Variants in ZBTB25 observed in about 807,000 individuals in gnomAD.
ZBTB25 encodes the protein zinc finger and BTB domain-containing protein 25.
Under a neutral mutation model 34.2 loss-of-function variants are expected in ZBTB25, and 20 were observed. The observed-to-expected ratio is 0.58, with a 90% confidence interval of 0.41 to 0.85. The LOEUF is 0.85. Among genes scored for constraint, ZBTB25 ranks in the 40% least tolerant of loss-of-function variants. ZBTB25 has a pLI of 0.00. For missense variants in ZBTB25, 437 were observed against 521.8 expected (o/e 0.84, Z 1.58); for synonymous variants, 175 against 186.4 (o/e 0.94, Z 0.50).
At chr14:64,453,096 A>T (rs865989207) in intron 2 of ZBTB25, among the ~76,000 whole-genome samples, 10 of 151,998 alleles carry the variant, frequency 6.6e-5, no homozygotes, top group African/African-American at 2.4e-4. Flanking sequence ...TGATGTACTT[A>T]GCGAGAGATT....
chr14:64,500,475 A>AAG (rs1555345815), intron 1 of ZBTB25, among the ~76,000 whole-genome samples: 7,690 of 70,026 alleles, frequency 0.11, 900 homozygotes, highest in East Asian at 0.28. Context: ...AAAAAAAAAA[A>AAG]AGAGAGAGAG....
intron 1 of ZBTB25, among the ~76,000 whole-genome samples, chr14:64,492,117 CAA>C (rs58321068): frequency 0.43 from 31,086 of 72,680 alleles, 4,947 homozygotes; most frequent in East Asian, 0.62. Context: ...GACCCTATCT[CAA>C]AAAAAAAAAA....
At chr14:64,461,183 CTGA>C (rs1051847796) in intron 2 of ZBTB25, 44 of 152,112 alleles carry the variant, frequency 2.9e-4, no homozygotes, top group African/African-American at 1.0e-3. Flanking sequence ...CTAAACACTG[CTGA>C]TGTTGGCAAA....
chr14:64,454,624 C>G (rs1026156993), intron 2 of ZBTB25: 2 of 973,574 alleles, frequency 2.1e-6, no homozygotes, highest in Non-Finnish European at 3.2e-6. Context: ...TTGGATGTTT[C>G]GAATAAATTG....
chr14:64,455,015 G>A, intron 2 of ZBTB25: 2 of 855,786 alleles, frequency 2.3e-6, no homozygotes, highest in Middle Eastern at 2.2e-4. Context: ...TATGATTGCT[G>A]TGGATCATAA....
At chr14:64,456,627 T>A (rs1596570491) in intron 2 of ZBTB25, among the ~76,000 whole-genome samples, 1 of 152,196 alleles carries the variant, frequency 6.6e-6, no homozygotes, top group African/African-American at 2.4e-5. Context: ...TTTATCTTTA[T>A]AATGTCATCT....
At chr14:64,500,656 G>A (rs1374358110) in intron 1 of ZBTB25, among the ~76,000 whole-genome samples, 6 of 152,098 alleles carry the variant, frequency 3.9e-5, no homozygotes, top group Non-Finnish European at 5.9e-5. Flanking sequence ...TTAGTTGGGC[G>A]TGGTGGCAGA....
chr14:64,498,502 G>A (rs1036637160), intron 1 of ZBTB25, among the ~76,000 whole-genome samples: 1 of 152,188 alleles, frequency 6.6e-6, no homozygotes, highest in African/African-American at 2.4e-5. Context: ...GTAGAGATGG[G>A]GTTTCGCCAC....
At chr14:64,467,104 T>A (rs1030794818) in intron 2 of ZBTB25, 5 of 152,344 alleles carry the variant, frequency 3.3e-5, no homozygotes, top group African/African-American at 4.8e-5. Context: ...ATCAATTTTT[T>A]AATTTTTTTA....
In ZBTB25 at chr14:64,487,885, G is replaced by C. The variant is rs374473512; in HGVS notation, c.346C>G (p.Gln116Glu). ...YLSHIATEMN[Q>E]VFSPETVQSS... ...TGCACAGTCTCTGGTGAGAACACTT[G>C]ATTCATTTCAGTTGCAATGTGAGAA... The change falls in exon 3 of 3, where the codon CAA becomes GAA. Residue 116 changes from glutamine (Q) to glutamate (E), a missense_variant. Physicochemically the swap from Gln to Glu is conservative, Grantham distance 29. Coordinates refer to ENST00000608382, the MANE Select transcript of ZBTB25 (RefSeq NM_006977.5). 1 of 1,614,110 alleles carries C rather than the reference G, an allele frequency of 6.2e-7. No homozygotes were observed. The highest frequency in any genetic ancestry group is 1.7e-5 in the Admixed American group (1 of 60,014).
At position 64,485,309 on chromosome 14, in the gene ZBTB25, C is replaced by G; in HGVS notation, c.*1614G>C. 1 of 985,340 alleles carries G rather than the reference C, an allele frequency of 1.0e-6. No individual in the cohort carries two copies. The highest frequency in any genetic ancestry group is 1.2e-6 in the Non-Finnish European group (1 of 829,922). 61.0% of individuals were successfully genotyped at this position (985,340 alleles called of 1,614,324 possible). A position where few individuals can be genotyped will look rare whatever the true frequency, so the allele number is the denominator to read the frequency against. ...GTGGTTAAATTCTAAGGCTCACAAACCAAATTTTTTAGATGTATTCAAATG... is the reference window on the plus strand; with the variant it reads ...GTGGTTAAATTCTAAGGCTCACAAAGCAAATTTTTTAGATGTATTCAAATG... On this transcript the variant is annotated 3_prime_UTR_variant, in exon 3 of 3. Transcript: ENST00000608382.
At chr14:64,458,902 T>G (rs1274020727) in intron 2 of ZBTB25, among the ~76,000 whole-genome samples, 1 of 152,162 alleles carries the variant, frequency 6.6e-6, no homozygotes, top group Non-Finnish European at 1.5e-5. Context: ...AAGCAGCAAG[T>G]TGCAGTGTGC....
chr14:64,463,987 C>T (rs1362726125), intron 2 of ZBTB25, among the ~76,000 whole-genome samples: 1 of 151,938 alleles, frequency 6.6e-6, no homozygotes. Flanking sequence ...TAGAGAGATA[C>T]GCAGACCATT....
intron 1 of ZBTB25, chr14:64,503,193 G>T (rs557861340): frequency 1.0e-6 from 1 of 985,470 alleles, no homozygotes; most frequent in South Asian, 4.7e-5. Context: ...GAAAAGGGGG[G>T]GATGTCTTCT....
chr14:64,485,223 G>A lies in ZBTB25; in HGVS notation c.*1700C>T. On this transcript the variant is annotated 3_prime_UTR_variant, in exon 3 of 3. Transcript: ENST00000608382. ...TTGAGCTCCCTCCTGATTGGACGCT[G>A]ATGCTGTTGAATGTGTCAGGAAACG... is the stretch of plus-strand genomic sequence containing the variant. 2 of 985,472 alleles carry A rather than the reference G, an allele frequency of 2.0e-6. No individual in the cohort carries two copies. Among genetic ancestry groups the A allele is most frequent in the Non-Finnish European group, 2.4e-6 (2 of 829,928 alleles). The allele number at this position is 985,472 out of a possible 1,614,324, so 61.0% of individuals were successfully genotyped here. A position where few individuals can be genotyped will look rare whatever the true frequency, so the allele number is the denominator to read the frequency against.
At chr14:64,457,028 CG>C (rs2140991976) in intron 2 of ZBTB25, among the ~76,000 whole-genome samples, 1 of 152,184 alleles carries the variant, frequency 6.6e-6, no homozygotes, top group East Asian at 1.9e-4. Context: ...TTGTCAAAGC[CG>C]AGTCTTTAGA....
chr14:64,493,539 G>A (rs1376204642), intron 1 of ZBTB25, among the ~76,000 whole-genome samples: 1 of 152,064 alleles, frequency 6.6e-6, no homozygotes, highest in Non-Finnish European at 1.5e-5. Context: ...TATTAGCAAG[G>A]GAAAAGGCAT....
Position 64,486,755 on chromosome 14 carries a change from T to C in ZBTB25, c.*168A>G, listed in dbSNP as rs1027252309. On this transcript the variant is annotated 3_prime_UTR_variant, in exon 3 of 3. Transcript: ENST00000608382. ...TGAATGTTACATTTTAATAGCCACA[T>C]ATTAATATGTCTTATGAGAAGATCT... 1.2e-5 allele frequency: 15 copies of C among 1,289,494 alleles called. No homozygotes were observed. In the South Asian group the frequency reaches 3.0e-4, roughly 26 times the overall value. The allele number at this position is 1,289,494 out of a possible 1,614,324, so 79.9% of individuals were successfully genotyped here.
At chr14:64,456,929 T>A (rs181937025) in intron 2 of ZBTB25, among the ~76,000 whole-genome samples, 1 of 152,208 alleles carries the variant, frequency 6.6e-6, no homozygotes, top group Admixed American at 6.5e-5. Context: ...TTGGAACTTG[T>A]GTGTATTCAT....
Sources: allele counts gnomAD v4.1 joint callset (sites outside exome capture counted in the v4.1 genomes callset), GRCh38; gene constraint gnomAD v4.1.1; transcripts MANE v1.5; gene names NCBI Gene and HGNC (gene_info 2026-07-23, HGNC 2026-07-21).